Variants in FAM13C observed in about 807,000 individuals in gnomAD.
FAM13C encodes the protein protein FAM13C.
Under a neutral mutation model 73.2 loss-of-function variants are expected in FAM13C, and 37 were observed. That is an observed-to-expected ratio of 0.51 (90% CI 0.39 to 0.67). The LOEUF (loss-of-function observed/expected upper bound fraction) is 0.67, where lower values mean the gene tolerates loss of function less well. FAM13C is among the 30% of genes least tolerant of loss of function. The probability of loss-of-function intolerance (pLI) is 0.00; values close to 1 mark genes in which losing one functional copy is unlikely to be tolerated. For synonymous variants in FAM13C, 246 were observed against 260.9 expected (o/e 0.94, Z 0.55); for missense variants, 589 against 715.6 (o/e 0.82, Z 2.02).
In FAM13C at chr10:59,304,308, C is replaced by T. The variant is rs562018821; in HGVS notation, c.444-1444G>A. ...AAATTTTTTCCCATTCTGTAGATTG[C>T]CTGTTTACTCTGTCAATAAGTTCTT... On this transcript the variant is annotated intron_variant, in intron 4 of 13. Coordinates refer to ENST00000618804, the MANE Select transcript of FAM13C (RefSeq NM_198215.4). Among the ~76,000 whole-genome samples, 4 of 152,132 alleles carry T rather than the reference C, an allele frequency of 2.6e-5. No individual in the cohort carries two copies. The South Asian group carries it at 8.3e-4, about 32-fold the overall frequency.
chr10:59,350,313 A>C (rs1374573626), intron 3 of FAM13C, among the ~76,000 whole-genome samples: 2 of 152,190 alleles, frequency 1.3e-5, no homozygotes, highest in African/African-American at 4.8e-5. Flanking sequence ...CCTTATTACA[A>C]GTGACAACTG....
chr10:59,352,124 C>T (rs1193515293), intron 3 of FAM13C, 146 bp downstream of exon 3: 5 of 821,164 alleles, frequency 6.1e-6, no homozygotes, highest in Non-Finnish European at 9.4e-6. Context: ...AGAGCTTCCA[C>T]GTGTCTCAGG....
At chr10:59,361,141 A>C in intron 1 of FAM13C, 2 of 1,270,852 alleles carry the variant, frequency 1.6e-6, no homozygotes, top group Non-Finnish European at 1.0e-6. Context: ...AGCACAGGTT[A>C]CCAAGCAATC....
At chr10:59,344,795 T>C (rs1854078901) in intron 3 of FAM13C, among the ~76,000 whole-genome samples, 1 of 152,106 alleles carries the variant, frequency 6.6e-6, no homozygotes, top group Non-Finnish European at 1.5e-5. Context: ...AGACCATGCA[T>C]TTTACCACAT....
chr10:59,321,178 G>A (rs368806072), intron 4 of FAM13C, among the ~76,000 whole-genome samples: 8 of 152,088 alleles, frequency 5.3e-5, no homozygotes, highest in Non-Finnish European at 8.8e-5. Flanking sequence ...TAAGGACCTC[G>A]AGATAGGGAA....
chr10:59,256,696 T>C (rs1841977639), intron 10 of FAM13C, among the ~76,000 whole-genome samples: 1 of 152,210 alleles, frequency 6.6e-6, no homozygotes, highest in South Asian at 2.1e-4. Flanking sequence ...AGTGGGATTA[T>C]GTGCCAGGAG....
chr10:59,297,182 A>G (rs1473005875), intron 5 of FAM13C: 1 of 152,200 alleles, frequency 6.6e-6, no homozygotes, highest in African/African-American at 2.4e-5. Context: ...AAATGGACAA[A>G]GCACTCATAA....
intron 4 of FAM13C, among the ~76,000 whole-genome samples, chr10:59,307,537 G>A (rs1470814619): frequency 6.6e-6 from 1 of 152,170 alleles, no homozygotes; most frequent in Non-Finnish European, 1.5e-5. Flanking sequence ...AGAAAGGGTA[G>A]TTAAATACTT....
chr10:59,354,903 A>T (rs1361109655), intron 2 of FAM13C, among the ~76,000 whole-genome samples: 8 of 151,830 alleles, frequency 5.3e-5, no homozygotes, highest in South Asian at 2.1e-4. Flanking sequence ...TGTTCCTGCA[A>T]CTCAAACAAT....
At chr10:59,329,823 A>G (rs1170505658) in intron 3 of FAM13C, among the ~76,000 whole-genome samples, 3 of 152,208 alleles carry the variant, frequency 2.0e-5, no homozygotes, top group Admixed American at 1.3e-4. Flanking sequence ...GTACTAAACT[A>G]GGCACCTTCT....
At chr10:59,258,790 A>G (rs1343013306) in intron 10 of FAM13C, among the ~76,000 whole-genome samples, 2 of 152,180 alleles carry the variant, frequency 1.3e-5, no homozygotes, top group Non-Finnish European at 2.9e-5. Context: ...CTCTAAGTCT[A>G]CTGTCTTTCC....
At chr10:59,361,109 G>T (rs1564636322) in intron 1 of FAM13C, 2 of 1,289,080 alleles carry the variant, frequency 1.6e-6, no homozygotes, top group Non-Finnish European at 2.0e-6. Flanking sequence ...CTTCTCTCAG[G>T]CCTTTAGAAA....
intron 3 of FAM13C, among the ~76,000 whole-genome samples, chr10:59,344,957 G>GGTA (rs1854104040): frequency 6.6e-6 from 1 of 152,074 alleles, no homozygotes; most frequent in Non-Finnish European, 1.5e-5. Context: ...TCTATGTGTC[G>GGTA]GTAGATCTTG....
chr10:59,254,004 C>T lies in FAM13C; in HGVS notation c.1332+344G>A, dbSNP rs117246872. On this transcript the variant is annotated intron_variant, in intron 11 of 13. Coordinates refer to ENST00000618804, the MANE Select transcript of FAM13C (RefSeq NM_198215.4). ...TTAAAGGAAAAAATTAACCAACACA[C>T]AGAACAGAAAGGCTCTGTTTTGTCT... 4.5e-3 allele frequency: 1,286 copies of T among 286,872 alleles called. 34 individuals are homozygous for T. The East Asian group carries it at 0.057, about 13-fold the overall frequency. 17.8% of individuals were successfully genotyped at this position (286,872 alleles called of 1,614,324 possible).
At chr10:59,334,365 A>G (rs1852436648) in intron 3 of FAM13C, among the ~76,000 whole-genome samples, 1 of 152,198 alleles carries the variant, frequency 6.6e-6, no homozygotes, top group African/African-American at 2.4e-5. Context: ...CCTAGGACTC[A>G]CTTGCATGTT....
At chr10:59,337,955 C>T (rs1852961042) in intron 3 of FAM13C, among the ~76,000 whole-genome samples, 1 of 152,072 alleles carries the variant, frequency 6.6e-6, no homozygotes. Context: ...GCTGGGATTA[C>T]AGGCGTGAGA....
At chr10:59,351,455 A>G (rs1413513347) in intron 3 of FAM13C, among the ~76,000 whole-genome samples, 2 of 152,224 alleles carry the variant, frequency 1.3e-5, no homozygotes, top group Non-Finnish European at 2.9e-5. Flanking sequence ...TATTGGAAAG[A>G]TGTTTCCTTT....
rs971855393 is a variant in FAM13C at position 59,268,829 on chromosome 10, T to C, written c.804-138A>G. 1.6e-5 allele frequency: 15 copies of C among 941,838 alleles called. No individual in the cohort carries two copies. The South Asian group carries it at 2.2e-4, about 14-fold the overall frequency. The allele number at this position is 941,838 out of a possible 1,614,324, so 58.3% of individuals were successfully genotyped here. Reference sequence around the variant, plus strand: ...TCATTATTTGATGAGGCCACCATGGTAGCATCTGCTCATTAATGGAGACTC... The same window carrying C: ...TCATTATTTGATGAGGCCACCATGGCAGCATCTGCTCATTAATGGAGACTC... On this transcript the variant is annotated intron_variant, in intron 7 of 13. Transcript: ENST00000618804.
At chr10:59,265,367 C>G (rs911032584) in intron 8 of FAM13C, among the ~76,000 whole-genome samples, 2 of 115,838 alleles carry the variant, frequency 1.7e-5, no homozygotes, top group African/African-American at 6.8e-5. Context: ...GACAGTGACA[C>G]GTGGCCATCA....
Sources: allele counts gnomAD v4.1 joint callset (sites outside exome capture counted in the v4.1 genomes callset), GRCh38; gene constraint gnomAD v4.1.1; transcripts MANE v1.5; gene names NCBI Gene and HGNC (gene_info 2026-07-23, HGNC 2026-07-21).